Variants in P3H1 observed in about 807,000 individuals in gnomAD.
P3H1 encodes growth suppressor 1.
Under a neutral mutation model 84.0 loss-of-function variants are expected in P3H1, and 69 were observed. The observed-to-expected ratio is 0.82, with a 90% confidence interval of 0.68 to 1.00. The LOEUF (loss-of-function observed/expected upper bound fraction) is 1.00, where lower values mean the gene tolerates loss of function less well. P3H1 is among the 50% of genes least tolerant of loss of function. The pLI is 0.00. For missense variants in P3H1, 878 were observed against 962.8 expected (o/e 0.91, Z 1.17); for synonymous variants, 366 against 388.8 (o/e 0.94, Z 0.69).
intron 8 of P3H1, among the ~76,000 whole-genome samples, chr1:42,753,937 A>G (rs1415345704): frequency 2.6e-5 from 4 of 152,120 alleles, no homozygotes; most frequent in Non-Finnish European, 5.9e-5. Flanking sequence ...AAAAAAAAAA[A>G]AAAGAAAGGC....
At chr1:42,762,246 G>T in intron 2 of P3H1, 77 bp downstream of exon 2, 1 of 1,468,290 alleles carries the variant, frequency 6.8e-7, no homozygotes, top group South Asian at 1.1e-5. Context: ...ACTCCAGCCT[G>T]GGTGACAGAG....
At chr1:42,751,577 AAAT>A (rs1557564585) in intron 10 of P3H1, 1,925 of 121,494 alleles carry the variant, frequency 0.016, 52 homozygotes, top group African/African-American at 0.057. Flanking sequence ...AAAAAAAAAT[AAAT>A]AAATAAATAA....
chr1:42,766,464 C>T (rs1653004087), intron 1 of P3H1, 43 bp downstream of exon 1: 2 of 1,523,462 alleles, frequency 1.3e-6, no homozygotes. Context: ...ACACTCCTCT[C>T]CCCAGAAGGA....
chr1:42,751,055 C>T (rs71518465), intron 10 of P3H1, among the ~76,000 whole-genome samples: 4,078 of 122,124 alleles, frequency 0.033, 147 homozygotes, highest in Non-Finnish European at 0.052. Context: ...GCCACGACCC[C>T]GTCTGGGAGG....
chr1:42,762,390 T>C lies in P3H1; in HGVS notation c.551A>G (p.Asp184Gly). 1.2e-6 allele frequency: 2 copies of C among 1,614,192 alleles called. No homozygotes were observed. The highest frequency in any genetic ancestry group is 1.7e-6 in the Non-Finnish European group (2 of 1,179,998). The change falls in exon 2 of 15, where the codon GAC (aspartate) becomes GGC (glycine). Residue 184 changes from aspartate (D) to glycine (G), a missense_variant. Asp to Gly is a moderately conservative substitution (Grantham distance 94, BLOSUM62 -1). Transcript: ENST00000296388. ...CACTCCAGACATGGTTTGGTAATAG[T>C]CTAGGTTCTGCTGCATTTCCATGTG... is the stretch of plus-strand genomic sequence containing the variant. Reference protein sequence around the residue: ...PEHMEMQQNLDYYQTMSGVKE... With the variant: ...PEHMEMQQNLGYYQTMSGVKE...
At chr1:42,755,483 C>G in intron 6 of P3H1, 65 bp downstream of exon 6, 1 of 1,345,412 alleles carries the variant, frequency 7.4e-7, no homozygotes. Flanking sequence ...TGTTCCCCTC[C>G]TCCCCATTCA....
At chr1:42,758,107 G>A (rs1403037444) in intron 4 of P3H1, among the ~76,000 whole-genome samples, 185 bp from the exon 5 acceptor site, 2 of 152,218 alleles carry the variant, frequency 1.3e-5, no homozygotes, top group Non-Finnish European at 2.9e-5. Context: ...AATACACATA[G>A]AATGTGTGAT....
At chr1:42,750,362 G>T (rs1370070458) in intron 10 of P3H1, 26 bp from the exon 11 acceptor site, 1 of 1,613,256 alleles carries the variant, frequency 6.2e-7, no homozygotes, top group Admixed American at 1.7e-5. Flanking sequence ...ATGGTCAGCT[G>T]CCCTCAACGA....
At chr1:42,764,423 CAAAAAAAAAA>C (rs769981372) in intron 1 of P3H1, among the ~76,000 whole-genome samples, 3 of 84,930 alleles carry the variant, frequency 3.5e-5, no homozygotes, top group African/African-American at 9.6e-5. Flanking sequence ...GACTCCATCT[CAAAAAAAAAA>C]AAAAAAAAAA....
At position 42,754,471 on chromosome 1, in the gene P3H1, G is replaced by C. The variant is rs1227046935; in HGVS notation, c.1345+398C>G. ...GAGACAGGATGAGTTAATACCTATGGAAGTGGACAACACTAGTCACTCATG... is the reference window on the plus strand; with the variant it reads ...GAGACAGGATGAGTTAATACCTATGCAAGTGGACAACACTAGTCACTCATG... On this transcript the variant is annotated intron_variant, in intron 8 of 14. Coordinates refer to ENST00000296388, the MANE Select transcript of P3H1 (RefSeq NM_022356.4). The surrounding 1 kb of genome is among the most constrained non-coding windows in gnomAD (Gnocchi z 4.0). Among the ~76,000 whole-genome samples, 1 of 152,118 alleles carries C rather than the reference G, an allele frequency of 6.6e-6. No individual in the cohort carries two copies. The highest frequency in any genetic ancestry group is 2.4e-5 in the African/African-American group (1 of 41,420).
chr1:42,757,967 G>A, intron 4 of P3H1, 45 bp from the exon 5 acceptor site: 1 of 1,580,094 alleles, frequency 6.3e-7, no homozygotes, highest in East Asian at 2.2e-5. Flanking sequence ...GAGTCAAAAG[G>A]AAAGGATAAA....
rs368573469 is a variant in P3H1, at chr1:42,747,059, C to T, written c.2056-207G>A. 3.7e-6 allele frequency: 6 copies of T among 1,614,132 alleles called. No individual in the cohort carries two copies. The African/African-American group carries it at 8.0e-5, about 22-fold the overall frequency. On this transcript the variant is annotated intron_variant, in intron 14 of 14. Transcript: ENST00000296388. ...ACTCAGCATCGCTCCCTGTCTTGACCTCTTTCCCCACCTGGATCCCGTTCA... is the reference window on the plus strand; with the variant it reads ...ACTCAGCATCGCTCCCTGTCTTGACTTCTTTCCCCACCTGGATCCCGTTCA...
At chr1:42,751,130 G>A (rs1324455058) in intron 10 of P3H1, among the ~76,000 whole-genome samples, 4 of 138,892 alleles carry the variant, frequency 2.9e-5, no homozygotes, top group East Asian at 2.1e-4. Context: ...ATAGAAAGGC[G>A]GGAAGGGTGG....
At position 42,757,741 on chromosome 1, in the gene P3H1, G is replaced by A. The variant is rs12127559; in HGVS notation, c.1080+42C>T. On this transcript the variant is annotated intron_variant, in intron 5 of 14. Coordinates refer to ENST00000296388, the MANE Select transcript of P3H1 (RefSeq NM_022356.4). ...ACCCCACTCTTCCGCCCTCAGGTCT[G>A]AGTTCAGCTGGCAGCTGTCATAACA... 19,868 of 1,614,088 alleles carry A rather than the reference G, an allele frequency of 0.012. 167 individuals are homozygous for A. Among genetic ancestry groups the A allele is most frequent in the Middle Eastern group, 0.032 (192 of 6,048 alleles).
chr1:42,766,018 C>T (rs201284644), intron 1 of P3H1, among the ~76,000 whole-genome samples: 1 of 27,748 alleles, frequency 3.6e-5, no homozygotes, highest in African/African-American at 1.1e-4. Context: ...CCCCCCCCCG[C>T]CCCCACACAC....
Position 42,758,886 on chromosome 1 carries a change from C to A in P3H1, c.906G>T (p.Ser302=). ...REKPFEDFLP[S]HYNYLQFAYY... Reference sequence around the variant, plus strand: ...AGGCAAACTGCAGATAATTATAATGCGATGGGAGGAAGTCTTCAAAGGGCT... The same window carrying A: ...AGGCAAACTGCAGATAATTATAATGAGATGGGAGGAAGTCTTCAAAGGGCT... The change falls in exon 4 of 15, where the codon TCG becomes TCT. Residue 302 remains serine, a synonymous_variant. Transcript: ENST00000296388. 1 of 1,614,080 alleles carries A rather than the reference C, an allele frequency of 6.2e-7. No individual in the cohort carries two copies. Among genetic ancestry groups the A allele is most frequent in the Non-Finnish European group, 8.5e-7 (1 of 1,180,000 alleles).
intron 1 of P3H1, among the ~76,000 whole-genome samples, chr1:42,763,398 G>C (rs1306948275): frequency 6.6e-6 from 1 of 151,830 alleles, no homozygotes; most frequent in Non-Finnish European, 1.5e-5. Flanking sequence ...GTGGTCGGGG[G>C]CGGTAGCTCA....
Position 42,758,908 on chromosome 1 carries a change from G to T in P3H1, c.884C>A (p.Pro295His), listed in dbSNP as rs761665074. 1 of 1,614,060 alleles carries T rather than the reference G, an allele frequency of 6.2e-7. No homozygotes were observed. The highest frequency in any genetic ancestry group is 8.5e-7 in the Non-Finnish European group (1 of 1,179,988). Residue 295 changes from proline (P) to histidine (H), a missense_variant, in exon 4 of 15, where the codon CCC (proline) becomes CAC (histidine). Coordinates refer to ENST00000296388, the MANE Select transcript of P3H1 (RefSeq NM_022356.4). Reference protein sequence around the residue: ...ELASHPSREKPFEDFLPSHYN... With the variant: ...ELASHPSREKHFEDFLPSHYN... ...ATGCGATGGGAGGAAGTCTTCAAAGGGCTTCTCTCGACTTGGGTGGGAAGC... is the reference window on the plus strand; with the variant it reads ...ATGCGATGGGAGGAAGTCTTCAAAGTGCTTCTCTCGACTTGGGTGGGAAGC...
At position 42,754,913 on chromosome 1, in the gene P3H1, T is replaced by G. The variant is rs1652303789; in HGVS notation, c.1301A>C (p.Glu434Ala). ...CACATCCAGTGACTCCTTGGTCTTC[T>G]CTTCCACAAGGGTCTCGATTTCCTT... ...LMKEIETLVE[E>A]KTKESLDVSR... The change falls in exon 8 of 15, where the codon GAG becomes GCG. Residue 434 changes from glutamate to alanine, a missense_variant. By Grantham distance (107) the Glu-to-Ala change is moderately radical. Transcript: ENST00000296388. The surrounding 1 kb of genome is among the most constrained non-coding windows in gnomAD (Gnocchi z 4.0). The G allele has an allele frequency of 6.2e-7, 1 of 1,614,056 alleles. No homozygotes were observed. Among genetic ancestry groups the G allele is most frequent in the African/African-American group, 1.3e-5 (1 of 74,922 alleles).
Sources: gnomAD v4.1 joint callset for allele counts (sites outside exome capture counted in the v4.1 genomes callset) on GRCh38, gnomAD v4.1.1 for gene constraint, Gnocchi (gnomAD v3.1) non-coding constraint, MANE v1.5 for transcripts, NCBI Gene and HGNC (gene_info 2026-07-23, HGNC 2026-07-21) for gene names.